ZBTB47: variants seen among roughly 807,000 people sequenced by gnomAD.
The protein encoded by ZBTB47 is zinc finger and BTB domain containing 47, also known as zinc finger and BTB domain-containing protein 47.
ZBTB47 carries 24 observed loss-of-function variants against 56.6 expected under a neutral mutation model. The ratio of observed to expected loss-of-function variants is 0.42; its 90% confidence interval spans 0.31 to 0.60. ZBTB47 has a LOEUF of 0.60. Among genes scored for constraint, ZBTB47 ranks in the 20% least tolerant of loss-of-function variants. The pLI, the probability that ZBTB47 is intolerant of heterozygous loss-of-function variation, is 0.14. For synonymous variants in ZBTB47, 414 were observed against 418.9 expected, an observed-to-expected ratio of 0.99 and a Z score of 0.14; for missense variants, 829 against 1,032.6, an observed-to-expected ratio of 0.80 and a Z score of 2.70.
In ZBTB47 at chr3:42,666,938, G is replaced by C. The variant is rs1464774085; in HGVS notation, c.*2340G>C. Among the ~76,000 whole-genome samples the C allele has an allele frequency of 6.6e-6, 1 of 152,232 alleles. No homozygotes were observed. The highest frequency in any genetic ancestry group is 2.4e-5 in the African/African-American group (1 of 41,464). On this transcript the variant is annotated 3_prime_UTR_variant, in exon 6 of 6. Transcript: ENST00000232974. ...TGCCCCACTGGGGATAGGAGCCTGT[G>C]TCCCTGGTGCTAAGCACTCTCTTCA...
In ZBTB47 at chr3:42,663,362, G is replaced by T. The variant is rs1433793211; in HGVS notation, c.1737+235G>T. Among the ~76,000 whole-genome samples the T allele has an allele frequency of 6.6e-6, 1 of 152,058 alleles. No homozygotes were observed. The highest frequency in any genetic ancestry group is 1.5e-5 in the Non-Finnish European group (1 of 67,970). Reference sequence around the variant, plus strand: ...CCCCAACCCAGCCCCACACACTCAGGGTGGGAAGTGTGTGTGGGCTACAGC... The same window carrying T: ...CCCCAACCCAGCCCCACACACTCAGTGTGGGAAGTGTGTGTGGGCTACAGC... On this transcript the variant is annotated intron_variant, in intron 4 of 5. Transcript: ENST00000232974. This position sits in a 1 kb window ranked among gnomAD's most constrained non-coding sequence, Gnocchi z 5.1.
Position 42,661,543 on chromosome 3 carries a change from T to A in ZBTB47, c.1532T>A (p.Ile511Asn). 6.2e-7 allele frequency: 1 copy of A among 1,613,972 alleles called. No homozygotes were observed. Among genetic ancestry groups the A allele is most frequent in the Non-Finnish European group, 8.5e-7 (1 of 1,179,866 alleles). ...TGGTCCCTCCATGAGCATAACAAGATTGTGCACGGCTACGCAGAGAAGAAG... is the reference window on the plus strand; with the variant it reads ...TGGTCCCTCCATGAGCATAACAAGAATGTGCACGGCTACGCAGAGAAGAAG... ...KLWSLHEHNK[I>N]VHGYAEKKFS... is the part of the protein sequence containing the mutation. The change falls in exon 3 of 6, where the codon ATT (isoleucine) becomes AAT (asparagine). Residue 511 changes from isoleucine (I) to asparagine (N), a missense_variant. Ile to Asn is a moderately radical substitution (Grantham distance 149). Coordinates refer to ENST00000232974, the MANE Select transcript of ZBTB47 (RefSeq NM_145166.4).
In ZBTB47 at chr3:42,659,649, G is replaced by A. The variant is rs1344577393; in HGVS notation, c.1294G>A (p.Glu432Lys). ...DGLGAKVKLE[E>K]KQHHPCQKCP... ...GCTGGGGGCCAAGGTGAAGCTGGAGGAGAAGCAGCACCATCCATGCCAGAA... is the reference window on the plus strand; with the variant it reads ...GCTGGGGGCCAAGGTGAAGCTGGAGAAGAAGCAGCACCATCCATGCCAGAA... Residue 432 changes from glutamate to lysine, a missense_variant, in exon 2 of 6, where the codon GAG becomes AAG. Physicochemically the swap from Glu to Lys is moderately conservative, Grantham distance 56 (BLOSUM62 1). This residue lies in a region of ZBTB47 where 187 missense variants were observed against 253.1 expected (regional missense o/e 0.74). Transcript: ENST00000232974. 6.2e-7 allele frequency: 1 copy of A among 1,612,126 alleles called. No individual in the cohort carries two copies. The highest frequency in any genetic ancestry group is 1.7e-5 in the Admixed American group (1 of 59,736).
At position 42,663,067 on chromosome 3, in the gene ZBTB47, C is replaced by T. The variant is rs1333366652; in HGVS notation, c.1677C>T (p.Arg559=). The T allele has an allele frequency of 1.2e-6, 2 of 1,613,872 alleles. No homozygotes were observed. The highest frequency in any genetic ancestry group is 2.7e-5 in the African/African-American group (2 of 74,952). Residue 559 remains arginine, a synonymous_variant, in exon 4 of 6, where the codon CGC becomes CGT. Transcript: ENST00000232974. The surrounding 1 kb of genome is among the most constrained non-coding windows in gnomAD (Gnocchi z 5.1). ...TCETCGKSFK[R]SMSLKVHSLQ... is the part of the protein sequence containing the mutation. The stretch of plus-strand genomic sequence containing the variant: ...AGACCTGCGGAAAGTCCTTCAAGCG[C>T]AGCATGTCCCTCAAGGTGCACTCAC...
At position 42,664,337 on chromosome 3, in the gene ZBTB47, G is replaced by A. The variant is rs373214374; in HGVS notation, c.1983G>A (p.Pro661=). 6 of 1,612,968 alleles carry A rather than the reference G, an allele frequency of 3.7e-6. No homozygotes were observed. Among genetic ancestry groups the A allele is most frequent in the South Asian group, 1.1e-5 (1 of 90,992 alleles). ...CGCACACGGGCGAGAAGCCGTACCC[G>A]TGCGACGTGTGTGGCCAGCGCTTCC... The part of the protein sequence containing the change: ...RRTHTGEKPY[P]CDVCGQRFRF... Residue 661 remains proline, a synonymous_variant, in exon 6 of 6, where the codon CCG becomes CCA. Transcript: ENST00000232974.
Position 42,658,657 on chromosome 3 carries a change from T to C in ZBTB47, c.302T>C (p.Ile101Thr). Residue 101 changes from isoleucine to threonine, a missense_variant, in exon 2 of 6, where the codon ATC (isoleucine) becomes ACC (threonine). By Grantham distance (89) the Ile-to-Thr change is moderately conservative. Around this residue, in one of 6 missense-constraint regions of ZBTB47, gnomAD observed 120 missense variants for 200.2 expected, o/e 0.60. Coordinates refer to ENST00000232974, the MANE Select transcript of ZBTB47 (RefSeq NM_145166.4). ...SAASLLQMAD[I>T]AASCQELLDA... is the part of the protein sequence containing the mutation. ...GCCTCATTGCTGCAGATGGCTGACATCGCTGCGTCCTGCCAAGAGCTGCTG... is the reference window on the plus strand; with the variant it reads ...GCCTCATTGCTGCAGATGGCTGACACCGCTGCGTCCTGCCAAGAGCTGCTG... 1 of 1,536,682 alleles carries C rather than the reference T, an allele frequency of 6.5e-7. No homozygotes were observed. Among genetic ancestry groups the C allele is most frequent in the South Asian group, 1.2e-5 (1 of 84,060 alleles).
upstream of ZBTB47, among the ~76,000 whole-genome samples, chr3:42,653,514 C>A (rs368087801): frequency 2.0e-5 from 3 of 152,194 alleles, no homozygotes; most frequent in African/African-American, 7.2e-5. Context: ...GGCCCAGTCA[C>A]CATCCAGACC....
chr3:42,657,362 T>C (rs1250416897), intron 1 of ZBTB47, among the ~76,000 whole-genome samples: 1 of 152,196 alleles, frequency 6.6e-6, no homozygotes, highest in East Asian at 1.9e-4. Context: ...TCTGGGGGTC[T>C]ACCGGGAAAA....
chr3:42,653,377 G>A (rs955274048), upstream of ZBTB47, among the ~76,000 whole-genome samples: 1 of 152,200 alleles, frequency 6.6e-6, no homozygotes, highest in Admixed American at 6.5e-5. Context: ...GTAAACACAA[G>A]CGCACATATG....
In ZBTB47 at chr3:42,660,540, C is replaced by T. The variant is rs541993393; in HGVS notation, c.1473+712C>T. ...GAGTCTGTTTGTGCCAGCCTCACTT[C>T]TCAGGGTGGGGTGGCACAGGGCCAG... On this transcript the variant is annotated intron_variant, in intron 2 of 5. Transcript: ENST00000232974. Among the ~76,000 whole-genome samples, 6 of 152,324 alleles carry T rather than the reference C, an allele frequency of 3.9e-5. No individual in the cohort carries two copies. In the South Asian group the frequency reaches 1.0e-3, roughly 26 times the overall value.
chr3:42,661,557 G>A lies in ZBTB47; in HGVS notation c.1546G>A (p.Ala516Thr), dbSNP rs925183998. 5 of 1,614,048 alleles carry A rather than the reference G, an allele frequency of 3.1e-6. No individual in the cohort carries two copies. In the African/African-American group the frequency reaches 4.0e-5, roughly 13 times the overall value. ...GCATAACAAGATTGTGCACGGCTAC[G>A]CAGAGAAGAAGTTCTCATGCGAGAT... Reference protein sequence around the residue: ...HEHNKIVHGYAEKKFSCEICE... With the variant: ...HEHNKIVHGYTEKKFSCEICE... Residue 516 changes from alanine (A) to threonine (T), a missense_variant, in exon 3 of 6, where the codon GCA becomes ACA. Physicochemically the swap from Ala to Thr is moderately conservative, Grantham distance 58. This residue lies in a region of ZBTB47 where 187 missense variants were observed against 253.1 expected (regional missense o/e 0.74). Transcript: ENST00000232974.
intron 2 of ZBTB47, among the ~76,000 whole-genome samples, chr3:42,660,365 C>T (rs1207041584): frequency 2.0e-5 from 3 of 152,218 alleles, no homozygotes; most frequent in East Asian, 1.9e-4. Flanking sequence ...AGGGGGCAGC[C>T]CAGCAGGAGG....
At position 42,661,515 on chromosome 3, in the gene ZBTB47, C is replaced by T; in HGVS notation, c.1504C>T (p.Leu502Phe). Residue 502 changes from leucine to phenylalanine, a missense_variant, in exon 3 of 6, where the codon CTT (leucine) becomes TTT (phenylalanine). Around this residue, in one of 6 missense-constraint regions of ZBTB47, gnomAD observed 187 missense variants for 253.1 expected, o/e 0.74. Transcript: ENST00000232974. The part of the protein sequence containing the change: ...CVTCGKAFKK[L>F]WSLHEHNKIV... ...GACATGTGGCAAAGCTTTCAAGAAG[C>T]TTTGGTCCCTCCATGAGCATAACAA... The T allele has an allele frequency of 6.2e-7, 1 of 1,614,024 alleles. No individual in the cohort carries two copies. Among genetic ancestry groups the T allele is most frequent in the Non-Finnish European group, 8.5e-7 (1 of 1,179,884 alleles).
At position 42,664,231 on chromosome 3, in the gene ZBTB47, C is replaced by T; in HGVS notation, c.1883-6C>T. 1.9e-6 allele frequency: 3 copies of T among 1,613,410 alleles called. No individual in the cohort carries two copies. Among genetic ancestry groups the T allele is most frequent in the South Asian group, 1.1e-5 (1 of 91,040 alleles). On this transcript the variant is annotated splice_polypyrimidine_tract_variant and splice_region_variant and intron_variant, in intron 5 of 5. Coordinates refer to ENST00000232974, the MANE Select transcript of ZBTB47 (RefSeq NM_145166.4). ...TGACGCCCTGCTGCCCACCCCCAAC[C>T]CCCAGGAGAGAAGCCGTACATCTGC...
chr3:42,664,101 A>G (rs1436572134), intron 5 of ZBTB47, 136 bp from the exon 6 acceptor site: 1 of 1,470,928 alleles, frequency 6.8e-7, no homozygotes, highest in East Asian at 2.5e-5. Flanking sequence ...GCTGGCACAA[A>G]ATGCCCCAGG....
intron 2 of ZBTB47, among the ~76,000 whole-genome samples, chr3:42,661,223 G>T (rs1710713184): frequency 6.6e-6 from 1 of 152,206 alleles, no homozygotes; most frequent in African/African-American, 2.4e-5. Context: ...AATGAGCCCA[G>T]AGTGGGGAAT....
intron 1 of ZBTB47, among the ~76,000 whole-genome samples, chr3:42,655,901 G>A (rs1710636250): frequency 1.3e-5 from 2 of 152,266 alleles, no homozygotes; most frequent in Admixed American, 1.3e-4. Flanking sequence ...CCTGCTGAGA[G>A]GCCAGAGGGC....
rs1202484558 is a variant in ZBTB47, at chr3:42,658,885, C to A, written c.530C>A (p.Thr177Lys). Reference sequence around the variant, plus strand: ...GACGGGGCAGGGACTGCTGGTGGCACAGTGCCTGCCACCATTGGGCCAGCC... The same window carrying A: ...GACGGGGCAGGGACTGCTGGTGGCAAAGTGCCTGCCACCATTGGGCCAGCC... Reference protein sequence around the residue: ...VEDGAGTAGGTVPATIGPAQP... With the variant: ...VEDGAGTAGGKVPATIGPAQP... The change falls in exon 2 of 6, where the codon ACA becomes AAA. Residue 177 changes from threonine to lysine, a missense_variant. By Grantham distance (78) the Thr-to-Lys change is moderately conservative. This residue lies in a region of ZBTB47 where 359 missense variants were observed against 359.8 expected (regional missense o/e 1.00). Transcript: ENST00000232974. 24 of 1,512,602 alleles carry A rather than the reference C, an allele frequency of 1.6e-5. No homozygotes were observed. The highest frequency in any genetic ancestry group is 1.7e-4 in the Middle Eastern group (1 of 5,848). 93.7% of individuals were successfully genotyped at this position (1,512,602 alleles called of 1,614,324 possible). A position where few individuals can be genotyped will look rare whatever the true frequency, so the allele number is the denominator to read the frequency against.
intron 3 of ZBTB47, among the ~76,000 whole-genome samples, chr3:42,662,038 T>C (rs1221225889): frequency 6.6e-6 from 1 of 152,222 alleles, no homozygotes; most frequent in African/African-American, 2.4e-5. Flanking sequence ...CTCTGATTCT[T>C]TCTTACCTTC....
Sources: allele counts gnomAD v4.1 joint callset (sites outside exome capture counted in the v4.1 genomes callset), GRCh38; gene constraint gnomAD v4.1.1; regional missense constraint gnomAD v4.1.1; non-coding constraint Gnocchi (gnomAD v3.1); transcripts MANE v1.5; gene names NCBI Gene and HGNC (gene_info 2026-07-23, HGNC 2026-07-21).